GPC6: variants seen among roughly 807,000 people sequenced by gnomAD.
GPC6 encodes glypican 6, also known as glypican-6.
A neutral mutation model predicts 55.2 loss-of-function variants in GPC6; 14 were observed. The observed-to-expected ratio is 0.25, with a 90% confidence interval of 0.17 to 0.40. The LOEUF is 0.40. GPC6 is among the 10% of genes least tolerant of loss of function. The pLI, the probability that GPC6 is intolerant of heterozygous loss-of-function variation, is 1.00. For missense variants in GPC6, 641 were observed against 708.5 expected (o/e 0.90, Z 1.08); for synonymous variants, 278 against 259.6 (o/e 1.07, Z -0.68).
chr13:94,281,760 G>C (rs1272366878), intron 4 of GPC6, among the ~76,000 whole-genome samples: 1 of 152,160 alleles, frequency 6.6e-6, no homozygotes, highest in Non-Finnish European at 1.5e-5. Flanking sequence ...AATCAGAATT[G>C]TTCCCTTCTT....
chr13:94,050,727 G>C (rs1883917922), intron 4 of GPC6, among the ~76,000 whole-genome samples: 1 of 152,134 alleles, frequency 6.6e-6, no homozygotes, highest in Admixed American at 6.5e-5. Context: ...GATAGGACAG[G>C]AGAAGTAGCA....
In GPC6 at chr13:94,041,150, G is replaced by A. The variant is rs149318717; in HGVS notation, c.877+13256G>A. On this transcript the variant is annotated intron_variant, in intron 4 of 8. Transcript: ENST00000377047. ...AAAAGTTTAATTTAGAGTTACATCC[G>A]GACATTTATAAGATGCAGACATTGA... is the stretch of plus-strand genomic sequence containing the variant. Among the ~76,000 whole-genome samples the A allele has an allele frequency of 1.3e-3, 190 of 151,818 alleles. 1 individual carries two copies. The highest frequency in any genetic ancestry group is 2.3e-3 in the South Asian group (11 of 4,816).
intron 2 of GPC6, among the ~76,000 whole-genome samples, chr13:93,814,082 T>C (rs542558467): frequency 2.6e-5 from 4 of 152,288 alleles, no homozygotes; most frequent in African/African-American, 9.6e-5. Context: ...ATCTGCAGGC[T>C]CATATGTGGC....
chr13:94,165,576 C>G (rs543146916), intron 4 of GPC6, among the ~76,000 whole-genome samples: 1 of 151,928 alleles, frequency 6.6e-6, no homozygotes, highest in Non-Finnish European at 1.5e-5. Flanking sequence ...ACCAAAATCC[C>G]ACAAATCACC....
intron 1 of GPC6, among the ~76,000 whole-genome samples, chr13:93,399,014 C>T (rs148946006): frequency 1.1e-4 from 16 of 152,022 alleles, no homozygotes; most frequent in Non-Finnish European, 2.2e-4. Flanking sequence ...CAATGGTTAC[C>T]GTGATCAGTT....
intron 3 of GPC6, among the ~76,000 whole-genome samples, chr13:93,895,264 ATATATATATATATG>A (rs1274290248): frequency 1.8e-5 from 2 of 110,390 alleles, no homozygotes; most frequent in African/African-American, 6.4e-5. Flanking sequence ...ATATATATAT[ATATATATATATATG>A]TAACTGTTCA....
At chr13:93,800,102 A>AAGTG (rs1886323399) in intron 2 of GPC6, among the ~76,000 whole-genome samples, 1 of 152,142 alleles carries the variant, frequency 6.6e-6, no homozygotes, top group South Asian at 2.1e-4. Context: ...TTTATCTTTC[A>AAGTG]AGTGTGCATT....
At chr13:93,899,235 G>A (rs1311059470) in intron 3 of GPC6, among the ~76,000 whole-genome samples, 3 of 151,802 alleles carry the variant, frequency 2.0e-5, no homozygotes, top group Non-Finnish European at 4.4e-5. Flanking sequence ...GCACTTCATA[G>A]GATCCCTAAC....
At chr13:93,518,961 A>G (rs1881308184) in intron 1 of GPC6, among the ~76,000 whole-genome samples, 1 of 152,010 alleles carries the variant, frequency 6.6e-6, no homozygotes, top group East Asian at 1.9e-4. Flanking sequence ...GTTTTATTGG[A>G]ACATAGCCAC....
intron 1 of GPC6, among the ~76,000 whole-genome samples, chr13:93,418,449 C>A (rs1228585098): frequency 1.3e-5 from 2 of 150,982 alleles, no homozygotes; most frequent in African/African-American, 4.9e-5. Context: ...TTATTAATAG[C>A]ACTATACTGT....
chr13:93,598,347 C>G (rs1877860976), intron 2 of GPC6, among the ~76,000 whole-genome samples: 1 of 152,152 alleles, frequency 6.6e-6, no homozygotes, highest in African/African-American at 2.4e-5. Flanking sequence ...TTCAAACCAT[C>G]TCCACCTTAG....
intron 3 of GPC6, among the ~76,000 whole-genome samples, chr13:94,001,088 G>A (rs1381376595): frequency 1.3e-5 from 2 of 152,148 alleles, no homozygotes; most frequent in African/African-American, 4.8e-5. Flanking sequence ...TAGAGTAATT[G>A]ATTTAGTACC....
At chr13:94,244,740 A>AT (rs917534443) in intron 4 of GPC6, among the ~76,000 whole-genome samples, 2 of 151,888 alleles carry the variant, frequency 1.3e-5, no homozygotes, top group African/African-American at 2.4e-5. Context: ...TAGCCATGTG[A>AT]TTTTTTTTAA....
chr13:94,336,621 T>C (rs996941738), intron 6 of GPC6, among the ~76,000 whole-genome samples: 1 of 152,098 alleles, frequency 6.6e-6, no homozygotes, highest in Admixed American at 6.6e-5. Context: ...GAACGAAGGG[T>C]TGGTGCTCAA....
rs1884954664 is a variant in GPC6, at chr13:94,077,410, C to T, written c.877+49516C>T. On this transcript the variant is annotated intron_variant, in intron 4 of 8. Transcript: ENST00000377047. Reference sequence around the variant, plus strand: ...GAGTTTTCTAGATATAAAATCATGTCATTTGCATATAGAGACAATTTAAGT... The same window carrying T: ...GAGTTTTCTAGATATAAAATCATGTTATTTGCATATAGAGACAATTTAAGT... 2.0e-5 allele frequency among the ~76,000 whole-genome samples: 3 copies of T among 151,804 alleles called. No individual in the cohort carries two copies. The South Asian group carries it at 6.2e-4, about 31-fold the overall frequency.
intron 4 of GPC6, among the ~76,000 whole-genome samples, chr13:94,256,459 G>T (rs78433789): frequency 0.016 from 2,401 of 152,234 alleles, 56 homozygotes; most frequent in African/African-American, 0.053. Flanking sequence ...CAAGATGCCA[G>T]GAACAGACCA....
At chr13:94,276,062 G>C (rs1157903954) in intron 4 of GPC6, among the ~76,000 whole-genome samples, 6 of 152,162 alleles carry the variant, frequency 3.9e-5, no homozygotes, top group Non-Finnish European at 7.4e-5. Flanking sequence ...CTTTGACCCA[G>C]CAGTTTCACT....
At chr13:93,395,246 G>A (rs1490200807) in intron 1 of GPC6, 1 of 442,856 alleles carries the variant, frequency 2.3e-6, no homozygotes, top group Non-Finnish European at 4.3e-6. Flanking sequence ...AGAACCACTT[G>A]CACAACCACC....
rs371781344 is a variant in GPC6 at position 94,271,366 on chromosome 13, A to G, written c.878-14983A>G. ...TCACACTTGTTAAATACACACACAC[A>G]CGCGCGCGCGCGCGCGCACACACAC... On this transcript the variant is annotated intron_variant, in intron 4 of 8. Coordinates refer to ENST00000377047, the MANE Select transcript of GPC6 (RefSeq NM_005708.5). Among the ~76,000 whole-genome samples, 916 of 131,270 alleles carry G rather than the reference A, an allele frequency of 7.0e-3. 7 individuals are homozygous for G. Among genetic ancestry groups the G allele is most frequent in the Middle Eastern group, 0.014 (4 of 276 alleles). 86.1% of individuals were successfully genotyped at this position (131,270 alleles called of 152,430 possible).
Sources: allele counts gnomAD v4.1 joint callset (sites outside exome capture counted in the v4.1 genomes callset), GRCh38; gene constraint gnomAD v4.1.1; transcripts MANE v1.5; gene names NCBI Gene and HGNC (gene_info 2026-07-23, HGNC 2026-07-21).